Variants in KNL1 observed in about 807,000 individuals in gnomAD.
KNL1 encodes kinetochore scaffold 1.
A neutral mutation model predicts 201.3 loss-of-function variants in KNL1; 66 were observed. The observed-to-expected ratio is 0.33, with a 90% CI of 0.27 to 0.40. KNL1 has a LOEUF of 0.40. Ranked by LOEUF, KNL1 falls within the 10% of genes least tolerant of loss-of-function variation. KNL1 has a pLI of 1.00. For synonymous variants in KNL1, 895 were observed against 899.2 expected, an observed-to-expected ratio of 1.00 and a Z score of 0.08; for missense variants, 2,815 against 2,690.5, an observed-to-expected ratio of 1.05 and a Z score of -1.02.
intron 7 of KNL1, among the ~76,000 whole-genome samples, chr15:40,611,834 G>A (rs1892172435): frequency 6.6e-6 from 1 of 152,046 alleles, no homozygotes; most frequent in Non-Finnish European, 1.5e-5. Flanking sequence ...TTCAACAAAT[G>A]AAAAGATGGT....
At position 40,625,107 on chromosome 15, in the gene KNL1, G is replaced by A; in HGVS notation, c.4843G>A (p.Ala1615Thr). ...IHNINIISSNAKDSRDEENKK... is the reference protein window; with the variant it reads ...IHNINIISSNTKDSRDEENKK... Reference sequence around the variant, plus strand: ...TAATATTAACATAATCTCCAGCAATGCTAAAGATAGTAGAGATGAGGAAAA... The same window carrying A: ...TAATATTAACATAATCTCCAGCAATACTAAAGATAGTAGAGATGAGGAAAA... The change falls in exon 10 of 26, where the codon GCT becomes ACT. Residue 1615 changes from alanine to threonine, a missense_variant. Physicochemically the swap from Ala to Thr is moderately conservative, Grantham distance 58. This residue lies in a region of KNL1 where 2,464 missense variants were observed against 2,291.7 expected (regional missense o/e 1.08). Transcript: ENST00000399668. 6.2e-7 allele frequency: 1 copy of A among 1,613,964 alleles called. No homozygotes were observed. Among genetic ancestry groups the A allele is most frequent in the Non-Finnish European group, 8.5e-7 (1 of 1,179,946 alleles).
At chr15:40,656,867 CAGAG>C (rs1270220221) in intron 22 of KNL1, among the ~76,000 whole-genome samples, 171 bp from the exon 23 acceptor site, 1 of 150,864 alleles carries the variant, frequency 6.6e-6, no homozygotes, top group Non-Finnish European at 1.5e-5. Flanking sequence ...GCCTGGGTGA[CAGAG>C]GGAGACAGGA....
intron 1 of KNL1, among the ~76,000 whole-genome samples, chr15:40,597,037 T>A (rs975512908): frequency 1.3e-5 from 2 of 149,954 alleles, no homozygotes; most frequent in Non-Finnish European, 3.0e-5. Context: ...TTGCTTTTTA[T>A]CACAGCAACT....
intron 1 of KNL1, among the ~76,000 whole-genome samples, chr15:40,602,573 G>A (rs1012231681): frequency 1.3e-4 from 16 of 127,762 alleles, no homozygotes; most frequent in African/African-American, 4.2e-4. Context: ...CGCAACCTCC[G>A]CGTCCTGGAT....
At chr15:40,647,488 TAAAATAAA>T (rs1355556890) in intron 17 of KNL1, among the ~76,000 whole-genome samples, 1 of 151,706 alleles carries the variant, frequency 6.6e-6, no homozygotes, top group Non-Finnish European at 1.5e-5. Context: ...AAAATAATAA[TAAAATAAA>T]TAAATAAATA....
intron 17 of KNL1, among the ~76,000 whole-genome samples, chr15:40,647,489 A>T (rs898958595): frequency 2.6e-5 from 4 of 152,064 alleles, no homozygotes; most frequent in East Asian, 3.9e-4. Flanking sequence ...AAATAATAAT[A>T]AAATAAATAA....
rs912850841 is a variant in KNL1 at position 40,645,715 on chromosome 15, A to G, written c.5949A>G (p.Lys1983=). 17 of 1,610,966 alleles carry G rather than the reference A, an allele frequency of 1.1e-5. No individual in the cohort carries two copies. The African/African-American group carries it at 1.6e-4, about 15-fold the overall frequency. The change falls in exon 16 of 26, where the codon AAA becomes AAG. Residue 1983 remains lysine, a synonymous_variant. Coordinates refer to ENST00000399668, the MANE Select transcript of KNL1 (RefSeq NM_144508.5). ...KIKSCFTKMT[K]VFTHQGKVAL... ...AGTCATGTTTTACCAAGATGACTAA[A>G]GTCTTCACTCACCAAGGAAAAGTGG...
chr15:40,631,161 G>A (rs1037431379), intron 13 of KNL1, among the ~76,000 whole-genome samples: 7 of 126,452 alleles, frequency 5.5e-5, no homozygotes, highest in Non-Finnish European at 8.5e-5. Context: ...TAAAAACAAG[G>A]AAGTTCACAA....
At chr15:40,649,635 C>T (rs1595944639) in intron 17 of KNL1, among the ~76,000 whole-genome samples, 1 of 151,866 alleles carries the variant, frequency 6.6e-6, no homozygotes, top group East Asian at 1.9e-4. Context: ...GGCAGAGTCT[C>T]ACTCTGTTGC....
chr15:40,601,118 G>A (rs1195885936), intron 1 of KNL1, among the ~76,000 whole-genome samples: 2 of 152,178 alleles, frequency 1.3e-5, no homozygotes, highest in South Asian at 4.1e-4. Flanking sequence ...CAGCATTAGC[G>A]GCCTGAGCTC....
At position 40,622,200 on chromosome 15, in the gene KNL1, T is replaced by A; in HGVS notation, c.1936T>A (p.Leu646Met). The A allele has an allele frequency of 6.2e-7, 1 of 1,614,102 alleles. No homozygotes were observed. Among genetic ancestry groups the A allele is most frequent in the East Asian group, 2.2e-5 (1 of 44,872 alleles). Residue 646 changes from leucine to methionine, a missense_variant, in exon 10 of 26, where the codon TTG (leucine) becomes ATG (methionine). This residue lies in a region of KNL1 where 2,464 missense variants were observed against 2,291.7 expected (regional missense o/e 1.08). Transcript: ENST00000399668. ...CTGGAACAAAGACAAAGATTGGGTT[T>A]TGAAGATTTTGCCCTACCTTGATAA... ...DTWNKDKDWVLKILPYLDKDS... is the reference protein window; with the variant it reads ...DTWNKDKDWVMKILPYLDKDS...
chr15:40,656,951 T>C (rs540564682), intron 22 of KNL1, 91 bp from the exon 23 acceptor site: 59 of 551,664 alleles, frequency 1.1e-4, no homozygotes, highest in African/African-American at 1.0e-3. Flanking sequence ...TGAGAATATT[T>C]CTAGCTTATA....
At chr15:40,636,117 C>T (rs565222081) in intron 13 of KNL1, among the ~76,000 whole-genome samples, 28 of 152,262 alleles carry the variant, frequency 1.8e-4, no homozygotes, top group Non-Finnish European at 3.4e-4. Flanking sequence ...GGATTACAGG[C>T]GTGAGCCACC....
chr15:40,606,915 A>G (rs1285499713), intron 4 of KNL1, among the ~76,000 whole-genome samples: 3 of 152,136 alleles, frequency 2.0e-5, no homozygotes, highest in African/African-American at 4.8e-5. Flanking sequence ...ACATGCCACC[A>G]TGCCCGGCTA....
Position 40,623,175 on chromosome 15 carries a change from G to A in KNL1, c.2911G>A (p.Asp971Asn), listed in dbSNP as rs1892605765. 1 of 1,613,944 alleles carries A rather than the reference G, an allele frequency of 6.2e-7. No homozygotes were observed. Among genetic ancestry groups the A allele is most frequent in the Non-Finnish European group, 8.5e-7 (1 of 1,179,912 alleles). ...TGACTACCAAGAAAAGGAAAGAACA[G>A]ACAGACCTAACTTTGAACTATCCCA... ...FIDYQEKERT[D>N]RPNFELSQRK... The change falls in exon 10 of 26, where the codon GAC (aspartate) becomes AAC (asparagine). Residue 971 changes from aspartate (D) to asparagine (N), a missense_variant. Coordinates refer to ENST00000399668, the MANE Select transcript of KNL1 (RefSeq NM_144508.5).
In KNL1 at chr15:40,662,218, C is replaced by T. The variant is rs1330387898; in HGVS notation, c.*30C>T. The T allele has an allele frequency of 3.3e-6, 4 of 1,210,966 alleles. No homozygotes were observed. The South Asian group carries it at 3.6e-5, about 11-fold the overall frequency. The allele number at this position is 1,210,966 out of a possible 1,614,324, so 75.0% of individuals were successfully genotyped here. On this transcript the variant is annotated 3_prime_UTR_variant, in exon 26 of 26. Coordinates refer to ENST00000399668, the MANE Select transcript of KNL1 (RefSeq NM_144508.5). Reference sequence around the variant, plus strand: ...TTGGACCACCATTGGAACAACCAAGCAGAATGTACTTGATATTATTTCAGG... The same window carrying T: ...TTGGACCACCATTGGAACAACCAAGTAGAATGTACTTGATATTATTTCAGG...
chr15:40,648,559 C>T (rs937570044), intron 17 of KNL1, among the ~76,000 whole-genome samples: 3 of 152,166 alleles, frequency 2.0e-5, no homozygotes, highest in Non-Finnish European at 4.4e-5. Context: ...CTTTCATTGT[C>T]TTTGAGGCTC....
In KNL1 at chr15:40,624,601, C is replaced by T; in HGVS notation, c.4337C>T (p.Ser1446Leu). 1 of 1,613,900 alleles carries T rather than the reference C, an allele frequency of 6.2e-7. No individual in the cohort carries two copies. Among genetic ancestry groups the T allele is most frequent in the South Asian group, 1.1e-5 (1 of 91,060 alleles). ...TATGTTATTCCTCAGCCTCATTTCTCAACCGACCAACCTCCATTACCTAAA... is the reference window on the plus strand; with the variant it reads ...TATGTTATTCCTCAGCCTCATTTCTTAACCGACCAACCTCCATTACCTAAA... ...DIYVIPQPHF[S>L]TDQPPLPKKG... is the part of the protein sequence containing the mutation. Residue 1446 changes from serine (S) to leucine (L), a missense_variant, in exon 10 of 26, where the codon TCA becomes TTA. Around this residue, in one of 3 missense-constraint regions of KNL1, gnomAD observed 2,464 missense variants for 2,291.7 expected, o/e 1.08. Transcript: ENST00000399668.
At position 40,621,030 on chromosome 15, in the gene KNL1, C is replaced by A. The variant is rs753902443; in HGVS notation, c.766C>A (p.Gln256Lys). The change falls in exon 10 of 26, where the codon CAA (glutamine) becomes AAA (lysine). Residue 256 changes from glutamine (Q) to lysine (K), a missense_variant. Physicochemically the swap from Gln to Lys is moderately conservative, Grantham distance 53. Around this residue, in one of 3 missense-constraint regions of KNL1, gnomAD observed 2,464 missense variants for 2,291.7 expected, o/e 1.08. Coordinates refer to ENST00000399668, the MANE Select transcript of KNL1 (RefSeq NM_144508.5). The part of the protein sequence containing the change: ...KEPNSASSTH[Q>K]MHVSLKEDEN... The stretch of plus-strand genomic sequence containing the variant: ...ACCGAACAGTGCCTCTTCTACACAT[C>A]AAATGCATGTATCTCTTAAGGAAGA... The A allele has an allele frequency of 6.2e-7, 1 of 1,607,202 alleles. No individual in the cohort carries two copies.
Sources: allele counts gnomAD v4.1 joint callset (sites outside exome capture counted in the v4.1 genomes callset), GRCh38; gene constraint gnomAD v4.1.1; regional missense constraint gnomAD v4.1.1; transcripts MANE v1.5; gene names NCBI Gene and HGNC (gene_info 2026-07-23, HGNC 2026-07-21).